The following NRXN3 variants were observed in gnomAD, a reference collection of about 807,000 sequenced individuals.
The protein encoded by NRXN3 is neurexin 3, also known as neurexin III.
A neutral mutation model predicts 137.6 loss-of-function variants in NRXN3; 32 were observed. The observed-to-expected ratio is 0.23, with a 90% CI of 0.18 to 0.31. The LOEUF is 0.31. NRXN3 is among the 10% of genes least tolerant of loss of function. The pLI, the probability that NRXN3 is intolerant of heterozygous loss-of-function variation, is 1.00. For synonymous variants in NRXN3, 798 were observed against 784.5 expected (o/e 1.02, Z -0.29); for missense variants, 1,574 against 2,062.5 (o/e 0.76, Z 4.59).
At chr14:78,820,447 T>A (rs866529539) in intron 10 of NRXN3, among the ~76,000 whole-genome samples, 4,433 of 75,356 alleles carry the variant, frequency 0.059, 235 homozygotes, top group African/African-American at 0.15. Context: ...AAAAAAAAAA[T>A]GGAGTAATTT....
intron 16 of NRXN3, 109 bp from the exon 17 acceptor site, chr14:79,663,669 C>T: frequency 1.2e-6 from 1 of 803,862 alleles, no homozygotes; most frequent in South Asian, 1.8e-5. Flanking sequence ...TTCATGCTGA[C>T]AGCTCCCTCT....
chr14:79,021,756 C>T (rs551316474), intron 15 of NRXN3, among the ~76,000 whole-genome samples: 1 of 152,322 alleles, frequency 6.6e-6, no homozygotes, highest in South Asian at 2.1e-4. Context: ...GGAAGCATCA[C>T]ACAATAGAAC....
chr14:79,192,444 A>T (rs1406816110), intron 15 of NRXN3, among the ~76,000 whole-genome samples: 1 of 152,136 alleles, frequency 6.6e-6, no homozygotes, highest in African/African-American at 2.4e-5. Context: ...ATGTAATAAA[A>T]TGGACCCCAC....
At chr14:78,307,060 T>G (rs891618436) in intron 4 of NRXN3, among the ~76,000 whole-genome samples, 1 of 152,194 alleles carries the variant, frequency 6.6e-6, no homozygotes, top group Admixed American at 6.5e-5. Context: ...CGCTTTACAT[T>G]ATCAGAATCA....
intron 19 of NRXN3, among the ~76,000 whole-genome samples, chr14:79,785,015 G>T (rs569614806): frequency 1.3e-5 from 2 of 152,252 alleles, no homozygotes; most frequent in Admixed American, 6.5e-5. Flanking sequence ...AGAATTCTTT[G>T]TAAGGCTTTC....
At chr14:78,563,081 G>C (rs978480157) in intron 4 of NRXN3, among the ~76,000 whole-genome samples, 2 of 152,196 alleles carry the variant, frequency 1.3e-5, no homozygotes, top group Non-Finnish European at 2.9e-5. Context: ...ACCTATGCAT[G>C]ATCTCTCCAT....
chr14:78,550,413 A>G lies in NRXN3; in HGVS notation c.758-94707A>G, dbSNP rs536423310. The stretch of plus-strand genomic sequence containing the variant: ...TTCTCCCCAATGAACCCATGGTGCA[A>G]TATGGGAGTTGGTGCCCTAAAAGTG... On this transcript the variant is annotated intron_variant, in intron 4 of 20. Transcript: ENST00000335750. Among the ~76,000 whole-genome samples, 3 of 152,208 alleles carry G rather than the reference A, an allele frequency of 2.0e-5. No individual in the cohort carries two copies. The East Asian group carries it at 5.8e-4, about 29-fold the overall frequency.
intron 16 of NRXN3, among the ~76,000 whole-genome samples, chr14:79,579,183 C>T (rs1212817164): frequency 6.6e-6 from 1 of 151,480 alleles, no homozygotes; most frequent in Non-Finnish European, 1.5e-5. Context: ...TGAGTGGACA[C>T]AGATGAAAAA....
In NRXN3 at chr14:79,221,987, C is replaced by T. The variant is rs536492300; in HGVS notation, c.3262+233846C>T. On this transcript the variant is annotated intron_variant, in intron 15 of 20. Coordinates refer to ENST00000335750, the MANE Select transcript of NRXN3 (RefSeq NM_001330195.2). ...TCTGCGTATGGCTAGCCAGTTTTCC[C>T]AACACCATTTGTTAAATAGGGAAAT... Among the ~76,000 whole-genome samples the T allele has an allele frequency of 2.0e-5, 3 of 152,116 alleles. No homozygotes were observed. The South Asian group carries it at 6.2e-4, about 32-fold the overall frequency.
In NRXN3 at chr14:78,808,036, C is replaced by T. The variant is rs74065156; in HGVS notation, c.2249-2282C>T. Among the ~76,000 whole-genome samples, 1,199 of 151,916 alleles carry T rather than the reference C, an allele frequency of 7.9e-3. 10 individuals carry two copies. Among genetic ancestry groups the T allele is most frequent in the African/African-American group, 0.016 (648 of 41,458 alleles). On this transcript the variant is annotated intron_variant, in intron 9 of 20. Transcript: ENST00000335750. ...ATGTGTGCGTGTGTCTATATACACA[C>T]GCACACACACACATATTTATACATA...
chr14:79,521,116 A>T (rs2097059880), intron 16 of NRXN3, among the ~76,000 whole-genome samples: 1 of 152,154 alleles, frequency 6.6e-6, no homozygotes, highest in Non-Finnish European at 1.5e-5. Flanking sequence ...CTATTGTAAA[A>T]GTTGAAAGTC....
chr14:79,270,237 G>T (rs1259805177), intron 15 of NRXN3, among the ~76,000 whole-genome samples: 1 of 152,164 alleles, frequency 6.6e-6, no homozygotes, highest in Non-Finnish European at 1.5e-5. Context: ...CTTTGATTTT[G>T]CTGTGGCTCC....
chr14:78,319,398 A>G (rs2079069602), intron 4 of NRXN3, among the ~76,000 whole-genome samples: 1 of 152,166 alleles, frequency 6.6e-6, no homozygotes, highest in South Asian at 2.1e-4. Context: ...GGAGTAGCCT[A>G]TAATTCTGTG....
intron 15 of NRXN3, among the ~76,000 whole-genome samples, chr14:79,364,494 A>G (rs983948300): frequency 6.6e-6 from 1 of 152,242 alleles, no homozygotes; most frequent in Admixed American, 6.5e-5. Flanking sequence ...TATTTATAAG[A>G]GAGGAGTCTA....
chr14:78,818,211 A>T (rs117927602), intron 10 of NRXN3, among the ~76,000 whole-genome samples: 7 of 152,124 alleles, frequency 4.6e-5, no homozygotes, highest in Non-Finnish European at 1.0e-4. Context: ...ACAAAGAGTG[A>T]GAGAGAGAAA....
chr14:79,553,054 G>T (rs774657419), intron 16 of NRXN3, among the ~76,000 whole-genome samples: 4 of 152,102 alleles, frequency 2.6e-5, no homozygotes, highest in Admixed American at 6.6e-5. Context: ...AAAGGAATGT[G>T]GGGGGTGGGG....
intron 16 of NRXN3, among the ~76,000 whole-genome samples, chr14:79,647,229 C>T (rs1435786528): frequency 3.7e-5 from 5 of 135,116 alleles, no homozygotes; most frequent in East Asian, 3.9e-4. Flanking sequence ...CTGTTATAAA[C>T]GAAAATAATT....
At chr14:78,240,383 T>C (rs1016332671) in intron 1 of NRXN3, among the ~76,000 whole-genome samples, 2 of 152,314 alleles carry the variant, frequency 1.3e-5, no homozygotes, top group Middle Eastern at 3.4e-3. Context: ...GAGGAACATA[T>C]AAGCCCCTGG....
chr14:79,778,058 C>T (rs951181322), intron 19 of NRXN3, among the ~76,000 whole-genome samples: 8 of 152,158 alleles, frequency 5.3e-5, no homozygotes, highest in African/African-American at 1.9e-4. Flanking sequence ...GCACATACAC[C>T]CTTTAACCAG....
Sources: gnomAD v4.1 joint callset for allele counts (sites outside exome capture counted in the v4.1 genomes callset) on GRCh38, gnomAD v4.1.1 for gene constraint, MANE v1.5 for transcripts, NCBI Gene and HGNC (gene_info 2026-07-23, HGNC 2026-07-21) for gene names.